Variants in PDCD6IP observed in about 807,000 individuals in gnomAD.
PDCD6IP encodes the protein programmed cell death 6-interacting protein.
A neutral mutation model predicts 103.7 loss-of-function variants in PDCD6IP; 43 were observed. That is an observed-to-expected ratio of 0.41 (90% CI 0.32 to 0.53). PDCD6IP has a LOEUF of 0.53. Among genes scored for constraint, PDCD6IP ranks in the 20% least tolerant of loss-of-function variants. The pLI, the probability that PDCD6IP is intolerant of heterozygous loss-of-function variation, is 0.16. For synonymous variants in PDCD6IP, 354 were observed against 378.7 expected (o/e 0.93, Z 0.76); for missense variants, 871 against 1,036.7 (o/e 0.84, Z 2.20).
chr3:33,810,929 C>G (rs1038739256), intron 1 of PDCD6IP: 2 of 153,442 alleles, frequency 1.3e-5, no homozygotes, highest in African/African-American at 2.5e-5. Context: ...AGGTTCTTGC[C>G]CAGGCTGGAG....
Position 33,838,207 on chromosome 3 carries a change from T to A in PDCD6IP, c.1061T>A (p.Leu354Gln). The change falls in exon 9 of 18, where the codon CTG (leucine) becomes CAG (glutamine). Residue 354 changes from leucine (L) to glutamine (Q), a missense_variant. Coordinates refer to ENST00000307296, the MANE Select transcript of PDCD6IP (RefSeq NM_013374.6). ...NVPISQKFTD[L>Q]FEKMVPVSVQ... ...TAATTTCTCTTCCTAATTTTAGATC[T>A]GTTTGAGAAGATGGTTCCCGTGTCA... The A allele has an allele frequency of 6.2e-7, 1 of 1,612,372 alleles. No individual in the cohort carries two copies. Among genetic ancestry groups the A allele is most frequent in the Non-Finnish European group, 8.5e-7 (1 of 1,179,478 alleles).
chr3:33,802,663 T>C (rs1407618140), intron 1 of PDCD6IP, among the ~76,000 whole-genome samples: 1 of 152,120 alleles, frequency 6.6e-6, no homozygotes, highest in Non-Finnish European at 1.5e-5. Flanking sequence ...GCTAATTTTG[T>C]ATTTTTGGTA....
At chr3:33,834,775 ATT>A (rs1411144576) in intron 7 of PDCD6IP, among the ~76,000 whole-genome samples, 1 of 152,084 alleles carries the variant, frequency 6.6e-6, no homozygotes, top group Non-Finnish European at 1.5e-5. Flanking sequence ...TCATCTGGTC[ATT>A]TTATAGATGT....
intron 4 of PDCD6IP, among the ~76,000 whole-genome samples, chr3:33,823,722 CAG>C (rs1338819690): frequency 1.3e-5 from 2 of 152,138 alleles, no homozygotes; most frequent in Non-Finnish European, 2.9e-5. Flanking sequence ...GCGGAGGTTG[CAG>C]AGAGCTGAGG....
chr3:33,810,949 G>A (rs956107204), intron 1 of PDCD6IP: 19 of 174,072 alleles, frequency 1.1e-4, no homozygotes, highest in South Asian at 5.1e-4. Flanking sequence ...GTACAGTGGC[G>A]CTGTCTTGGC....
rs1320683041 is a variant in PDCD6IP, at chr3:33,853,809, C to T, written c.1891-70C>T. 2.4e-5 allele frequency: 29 copies of T among 1,184,010 alleles called. No homozygotes were observed. The East Asian group carries it at 8.9e-4, about 36-fold the overall frequency. The allele number at this position is 1,184,010 out of a possible 1,614,324, so 73.3% of individuals were successfully genotyped here. A position where few individuals can be genotyped will look rare whatever the true frequency, so the allele number is the denominator to read the frequency against. Reference sequence around the variant, plus strand: ...TATGATTTTCATAATTGGAAAAGATCAATAAAAATGTTATGAGCTATATTA... The same window carrying T: ...TATGATTTTCATAATTGGAAAAGATTAATAAAAATGTTATGAGCTATATTA... On this transcript the variant is annotated intron_variant, in intron 13 of 17. Transcript: ENST00000307296.
intron 7 of PDCD6IP, among the ~76,000 whole-genome samples, chr3:33,833,339 T>C (rs1697280981): frequency 6.6e-6 from 1 of 152,054 alleles, no homozygotes; most frequent in South Asian, 2.1e-4. Flanking sequence ...AGTCCTCACT[T>C]TGCATTTGAT....
Position 33,828,739 on chromosome 3 carries a change from A to G in PDCD6IP, c.718-114A>G, listed in dbSNP as rs1354660284. The G allele has an allele frequency of 5.5e-6, 6 of 1,100,160 alleles. No homozygotes were observed. The East Asian group carries it at 1.0e-4, about 18-fold the overall frequency. The allele number at this position is 1,100,160 out of a possible 1,614,324, so 68.1% of individuals were successfully genotyped here. On this transcript the variant is annotated intron_variant, in intron 6 of 17. Transcript: ENST00000307296. Reference sequence around the variant, plus strand: ...AATGACTAACCTTAATCTCTAAACCATTAATGGGGTGATTCTAATTTCTGT... The same window carrying G: ...AATGACTAACCTTAATCTCTAAACCGTTAATGGGGTGATTCTAATTTCTGT...
At chr3:33,835,160 A>G in intron 7 of PDCD6IP, 1 of 454,104 alleles carries the variant, frequency 2.2e-6, no homozygotes, top group Non-Finnish European at 4.4e-6. Context: ...TATGCGGCTT[A>G]TGTTCATTTT....
At position 33,818,222 on chromosome 3, in the gene PDCD6IP, C is replaced by T. The variant is rs550511707; in HGVS notation, c.335-3733C>T. The stretch of plus-strand genomic sequence containing the variant: ...TCTGAGGTTCAAGTGATTCTCGTGC[C>T]ACAGCCTCCTGAGTAGCTGGGATTA... On this transcript the variant is annotated intron_variant, in intron 3 of 17. Coordinates refer to ENST00000307296, the MANE Select transcript of PDCD6IP (RefSeq NM_013374.6). Among the ~76,000 whole-genome samples the T allele has an allele frequency of 2.0e-5, 3 of 149,144 alleles. No individual in the cohort carries two copies. The South Asian group carries it at 6.4e-4, about 32-fold the overall frequency.
intron 12 of PDCD6IP, among the ~76,000 whole-genome samples, chr3:33,847,651 G>T (rs1379204896): frequency 6.6e-6 from 1 of 152,062 alleles, no homozygotes; most frequent in Admixed American, 6.5e-5. Context: ...TTCTTTTATT[G>T]TGAAGAAGCC....
intron 1 of PDCD6IP, among the ~76,000 whole-genome samples, chr3:33,807,034 G>C (rs1314252326): frequency 6.6e-6 from 1 of 152,070 alleles, no homozygotes; most frequent in African/African-American, 2.4e-5. Flanking sequence ...ATTTTACTTT[G>C]AGGGTTTCAT....
At chr3:33,828,195 C>CTT (rs1178625024) in intron 6 of PDCD6IP, among the ~76,000 whole-genome samples, 1 of 152,028 alleles carries the variant, frequency 6.6e-6, no homozygotes, top group Non-Finnish European at 1.5e-5. Context: ...CAAAATAACA[C>CTT]TTTATCATTA....
Position 33,866,773 on chromosome 3 carries a change from A to G in PDCD6IP, c.*248A>G, listed in dbSNP as rs139477012. On this transcript the variant is annotated 3_prime_UTR_variant, in exon 18 of 18. Transcript: ENST00000307296. ...TTTGAAATTGCATTACAGTTCATAA[A>G]AATTGAAAATGAGAAATTAAACCTG... The G allele has an allele frequency of 1.0e-3, 367 of 350,758 alleles. No individual in the cohort carries two copies. Among genetic ancestry groups the G allele is most frequent in the Middle Eastern group, 5.9e-3 (8 of 1,362 alleles). 21.7% of individuals were successfully genotyped at this position (350,758 alleles called of 1,614,324 possible).
At chr3:33,863,416 C>G (rs1008260243) in intron 15 of PDCD6IP, among the ~76,000 whole-genome samples, 2 of 152,196 alleles carry the variant, frequency 1.3e-5, no homozygotes, top group Non-Finnish European at 2.9e-5. Context: ...TATCCACCCT[C>G]TCTTCATCCC....
intron 7 of PDCD6IP, 34 bp from the exon 8 acceptor site, chr3:33,836,010 T>C: frequency 1.0e-6 from 1 of 982,362 alleles, no homozygotes; most frequent in Non-Finnish European, 1.5e-6. Flanking sequence ...ACCTCCCTCT[T>C]TTTTTTTTTT....
chr3:33,807,291 G>T (rs1298532685), intron 1 of PDCD6IP, among the ~76,000 whole-genome samples: 1 of 152,208 alleles, frequency 6.6e-6, no homozygotes, highest in Non-Finnish European at 1.5e-5. Context: ...TCAGCTGCCT[G>T]TTTTTGTATG....
chr3:33,845,395 C>G, intron 11 of PDCD6IP, 24 bp from the exon 12 acceptor site: 1 of 1,598,484 alleles, frequency 6.3e-7, no homozygotes, highest in East Asian at 2.2e-5. Flanking sequence ...CTTCTGTGCT[C>G]TGCAAACTTT....
rs538187955 is a variant in PDCD6IP, at chr3:33,813,628, G to A, written c.334G>A (p.Ala112Thr). 6.4e-7 allele frequency: 1 copy of A among 1,567,048 alleles called. No homozygotes were observed. The highest frequency in any genetic ancestry group is 1.1e-5 in the South Asian group (1 of 88,886). The change falls in exon 3 of 18, where the codon GCT becomes ACT. Residue 112 changes from alanine (A) to threonine (T), a missense_variant and splice_region_variant. Ala to Thr is a moderately conservative substitution (Grantham distance 58, BLOSUM62 0). Transcript: ENST00000307296. ...GSLFGGSVKL[A>T]LASLGYEKSC... ...ACTTTTTGGAGGCTCTGTAAAACTGGGTATGTAATTTTTAATAAAAGTGAT... is the reference window on the plus strand; with the variant it reads ...ACTTTTTGGAGGCTCTGTAAAACTGAGTATGTAATTTTTAATAAAAGTGAT...
Sources: allele counts gnomAD v4.1 joint callset (sites outside exome capture counted in the v4.1 genomes callset), GRCh38; gene constraint gnomAD v4.1.1; transcripts MANE v1.5; gene names NCBI Gene and HGNC (gene_info 2026-07-23, HGNC 2026-07-21).